The following FBXO8 variants were observed in gnomAD, a reference collection of about 807,000 sequenced individuals.
The protein encoded by FBXO8 is F-box protein 8.
A neutral mutation model predicts 33.4 loss-of-function variants in FBXO8; 15 were observed. The observed-to-expected ratio is 0.45, with a 90% CI of 0.30 to 0.69. The LOEUF (loss-of-function observed/expected upper bound fraction) is 0.69, where lower values mean the gene tolerates loss of function less well. Ranked by LOEUF, FBXO8 falls within the 30% of genes least tolerant of loss-of-function variation. The pLI is 0.08. For missense variants in FBXO8, 274 were observed against 380.3 expected, an observed-to-expected ratio of 0.72 and a Z score of 2.32; for synonymous variants, 132 against 131.5, an observed-to-expected ratio of 1.00 and a Z score of -0.02.
intron 1 of FBXO8, among the ~76,000 whole-genome samples, chr4:174,279,440 C>T (rs1186598825): frequency 6.6e-6 from 1 of 151,984 alleles, no homozygotes; most frequent in Non-Finnish European, 1.5e-5. Context: ...CCAAAGTGAT[C>T]TATAGATTCA....
rs150065923 is a variant in FBXO8 at position 174,237,431 on chromosome 4, A to G, written c.941T>C (p.Ile314Thr). 9 of 1,612,834 alleles carry G rather than the reference A, an allele frequency of 5.6e-6. No individual in the cohort carries two copies. Among genetic ancestry groups the G allele is most frequent in the Non-Finnish European group, 5.9e-6 (7 of 1,179,184 alleles). Residue 314 changes from isoleucine (I) to threonine (T), a missense_variant, in exon 6 of 6, where the codon ATT becomes ACT. Around this residue, in one of 2 missense-constraint regions of FBXO8, gnomAD observed 186 missense variants for 293.4 expected, o/e 0.63. Transcript: ENST00000393674. This position sits in a 1 kb window ranked among gnomAD's most constrained non-coding sequence, Gnocchi z 4.4. ...VGHLYDNIYL[I>T]GHVAA ...TGCTTTTTATGCAGCCACATGGCCA[A>G]TAAGGTAGATATTGTCATAAAGATG... is the stretch of plus-strand genomic sequence containing the variant.
rs541550021 is a variant in FBXO8 at position 174,267,024 on chromosome 4, T to C, written c.-8-3924A>G. ...TACTTGCACAGCTTTGTAGGGCCTC[T>C]ACACACAATTCACCTCCTTTAGTTA... On this transcript the variant is annotated intron_variant, in intron 1 of 5. Transcript: ENST00000393674. The surrounding 1 kb of genome is among the most constrained non-coding windows in gnomAD (Gnocchi z 4.7). Among the ~76,000 whole-genome samples, 27 of 152,346 alleles carry C rather than the reference T, an allele frequency of 1.8e-4. No individual in the cohort carries two copies. Among genetic ancestry groups the C allele is most frequent in the Non-Finnish European group, 2.8e-4 (19 of 68,034 alleles).
chr4:174,253,026 T>G lies in FBXO8; in HGVS notation c.456+6673A>C, dbSNP rs139591538. Among the ~76,000 whole-genome samples, 538 of 152,166 alleles carry G rather than the reference T, an allele frequency of 3.5e-3. 2 individuals are homozygous for G. The highest frequency in any genetic ancestry group is 0.014 in the Middle Eastern group (4 of 294). ...TCTATACACATATTTTCCAACCTCA[T>G]GAGTCAAGAGATAGATTACACGGAT... On this transcript the variant is annotated intron_variant, in intron 3 of 5. Transcript: ENST00000393674. This position sits in a 1 kb window ranked among gnomAD's most constrained non-coding sequence, Gnocchi z 4.5.
At chr4:174,243,938 G>A (rs1347706426) in intron 3 of FBXO8, among the ~76,000 whole-genome samples, 2 of 151,430 alleles carry the variant, frequency 1.3e-5, no homozygotes, top group African/African-American at 4.8e-5. Context: ...GGACTTATCT[G>A]GATAAAGGAA....
In FBXO8 at chr4:174,245,526, T is replaced by C. The variant is rs546204081; in HGVS notation, c.457-4308A>G. 2.6e-5 allele frequency among the ~76,000 whole-genome samples: 4 copies of C among 151,902 alleles called. No individual in the cohort carries two copies. Among genetic ancestry groups the C allele is most frequent in the Admixed American group, 6.6e-5 (1 of 15,176 alleles). ...AATATTTTGGGTTGGAGAGTAAATG[T>C]ACAACCAGACTATGACAGTGACAGA... On this transcript the variant is annotated intron_variant, in intron 3 of 5. Transcript: ENST00000393674. The surrounding 1 kb of genome is among the most constrained non-coding windows in gnomAD (Gnocchi z 4.6).
rs1736142250 is a variant in FBXO8 at position 174,245,686 on chromosome 4, A to C, written c.457-4468T>G. ...CAGCAATATAAAGATAAATAATGAA[A>C]GAAAAATTAGATAGTGGGCTATTCA... On this transcript the variant is annotated intron_variant, in intron 3 of 5. Transcript: ENST00000393674. This position sits in a 1 kb window ranked among gnomAD's most constrained non-coding sequence, Gnocchi z 4.6. Among the ~76,000 whole-genome samples, 1 of 152,010 alleles carries C rather than the reference A, an allele frequency of 6.6e-6. No individual in the cohort carries two copies. Among genetic ancestry groups the C allele is most frequent in the Non-Finnish European group, 1.5e-5 (1 of 67,960 alleles).
chr4:174,243,008 T>A (rs1736076096), intron 3 of FBXO8, among the ~76,000 whole-genome samples: 1 of 151,582 alleles, frequency 6.6e-6, no homozygotes, highest in East Asian at 1.9e-4. Flanking sequence ...TTTTAAAAAT[T>A]GTGCAAAATA....
chr4:174,259,636 G>A lies in FBXO8; in HGVS notation c.456+63C>T. On this transcript the variant is annotated intron_variant, in intron 3 of 5. Coordinates refer to ENST00000393674, the MANE Select transcript of FBXO8 (RefSeq NM_012180.3). The surrounding 1 kb of genome is among the most constrained non-coding windows in gnomAD (Gnocchi z 4.3). ...GTTTTCCCTGCTAGTTTATGATATT[G>A]GAAAGCTGCAGCAAGATAGTAATAA... is the stretch of plus-strand genomic sequence containing the variant. 3 of 1,553,912 alleles carry A rather than the reference G, an allele frequency of 1.9e-6. No individual in the cohort carries two copies. The South Asian group carries it at 3.7e-5, about 19-fold the overall frequency.
At chr4:174,246,935 G>A (rs1020240383) in intron 3 of FBXO8, among the ~76,000 whole-genome samples, 22 of 152,020 alleles carry the variant, frequency 1.4e-4, no homozygotes, top group African/African-American at 4.1e-4. Context: ...CAACAACGAT[G>A]CAGGATATGA....
intron 1 of FBXO8, among the ~76,000 whole-genome samples, chr4:174,279,602 T>C (rs1409697727): frequency 5.3e-5 from 8 of 152,036 alleles, no homozygotes; most frequent in Non-Finnish European, 1.2e-4. Context: ...TCAAAACTTA[T>C]TACAAAGCTA....
Position 174,274,532 on chromosome 4 carries a change from A to T in FBXO8, c.-9+8878T>A, listed in dbSNP as rs1736909172. 6.6e-6 allele frequency among the ~76,000 whole-genome samples: 1 copy of T among 152,226 alleles called. No individual in the cohort carries two copies. The highest frequency in any genetic ancestry group is 1.9e-4 in the East Asian group (1 of 5,196). On this transcript the variant is annotated intron_variant, in intron 1 of 5. Coordinates refer to ENST00000393674, the MANE Select transcript of FBXO8 (RefSeq NM_012180.3). This position sits in a 1 kb window ranked among gnomAD's most constrained non-coding sequence, Gnocchi z 4.0. ...TTTGGGATCTGTGAAATTTGGAGAG[A>T]TGCCATTTACATAGCAAGGCCATAG...
intron 3 of FBXO8, among the ~76,000 whole-genome samples, chr4:174,244,543 C>T (rs185851346): frequency 3.0e-4 from 45 of 151,702 alleles, no homozygotes; most frequent in Middle Eastern, 3.4e-3. Flanking sequence ...TTAGAATTAT[C>T]TAAATTGTTG....
chr4:174,269,345 C>A (rs1736777441), intron 1 of FBXO8, among the ~76,000 whole-genome samples: 3 of 152,100 alleles, frequency 2.0e-5, no homozygotes, highest in African/African-American at 7.2e-5. Context: ...GGGGAAAAAA[C>A]CCCAAAGCAA....
intron 3 of FBXO8, among the ~76,000 whole-genome samples, chr4:174,244,623 G>C (rs1423287622): frequency 6.6e-6 from 1 of 151,678 alleles, no homozygotes; most frequent in Non-Finnish European, 1.5e-5. Context: ...AGATAACTCT[G>C]AGATGAATCA....
chr4:174,238,966 G>C (rs781508343), intron 5 of FBXO8, 28 bp downstream of exon 5: 5 of 1,327,004 alleles, frequency 3.8e-6, no homozygotes, highest in Non-Finnish European at 5.0e-6. Flanking sequence ...GGCAGGGGGT[G>C]ATGTACTATT....
In FBXO8 at chr4:174,247,323, C is replaced by A. The variant is rs923670257; in HGVS notation, c.457-6105G>T. Among the ~76,000 whole-genome samples, 5 of 151,726 alleles carry A rather than the reference C, an allele frequency of 3.3e-5. No homozygotes were observed. Among genetic ancestry groups the A allele is most frequent in the Non-Finnish European group, 7.4e-5 (5 of 67,886 alleles). ...TACCTTTAATTTTTTTCCTAAAGAA[C>A]AACATAGTAAAGAAATTTAGAAAAA... On this transcript the variant is annotated intron_variant, in intron 3 of 5. Transcript: ENST00000393674. This position sits in a 1 kb window ranked among gnomAD's most constrained non-coding sequence, Gnocchi z 4.6.
rs1282351259 is a variant in FBXO8 at position 174,281,980 on chromosome 4, T to G, written c.-9+1430A>C. Among the ~76,000 whole-genome samples, 2 of 152,202 alleles carry G rather than the reference T, an allele frequency of 1.3e-5. No homozygotes were observed. The highest frequency in any genetic ancestry group is 2.9e-5 in the Non-Finnish European group (2 of 68,024). On this transcript the variant is annotated intron_variant, in intron 1 of 5. Transcript: ENST00000393674. This position sits in a 1 kb window ranked among gnomAD's most constrained non-coding sequence, Gnocchi z 4.6. Reference sequence around the variant, plus strand: ...CATTATCATGGGTCAGTCAATGGAATAGTGCCAGTTTCCAAATCTGAATCA... The same window carrying G: ...CATTATCATGGGTCAGTCAATGGAAGAGTGCCAGTTTCCAAATCTGAATCA...
chr4:174,279,094 A>T (rs1355498023), intron 1 of FBXO8, among the ~76,000 whole-genome samples: 1 of 152,110 alleles, frequency 6.6e-6, no homozygotes, highest in Non-Finnish European at 1.5e-5. Flanking sequence ...ACCAAATTGG[A>T]AAGAAAGCAG....
At chr4:174,238,774 C>CATAGCCATGTATATATATATAT (rs1207663460) in intron 5 of FBXO8, among the ~76,000 whole-genome samples, 22 of 47,284 alleles carry the variant, frequency 4.7e-4, no homozygotes, top group African/African-American at 6.6e-4. Flanking sequence ...TATATATATA[C>CATAGCCATGTATATATATATAT]ACACACACAC....
Sources: gnomAD v4.1 joint callset for allele counts (sites outside exome capture counted in the v4.1 genomes callset) on GRCh38, gnomAD v4.1.1 for gene constraint, gnomAD v4.1.1 regional missense constraint, Gnocchi (gnomAD v3.1) non-coding constraint, MANE v1.5 for transcripts, NCBI Gene and HGNC (gene_info 2026-07-23, HGNC 2026-07-21) for gene names.